MKX: variants seen among roughly 807,000 people sequenced by gnomAD.
The protein encoded by MKX is homeobox protein Mohawk.
In MKX, 13 loss-of-function variants were observed where a neutral mutation model predicts 36.0. The observed-to-expected ratio is 0.36, with a 90% CI of 0.24 to 0.57. The LOEUF is 0.57. Among genes scored for constraint, MKX ranks in the 20% least tolerant of loss-of-function variants. MKX has a pLI of 0.79. For synonymous variants in MKX, 176 were observed against 178.3 expected, an observed-to-expected ratio of 0.99 and a Z score of 0.10; for missense variants, 458 against 456.4, an observed-to-expected ratio of 1.00 and a Z score of -0.03.
chr10:27,730,567 C>T (rs985737903), intron 5 of MKX, among the ~76,000 whole-genome samples: 2 of 151,358 alleles, frequency 1.3e-5, no homozygotes, highest in Admixed American at 1.3e-4. Context: ...AAGCGATTCT[C>T]GTACCTCAGC....
chr10:27,692,615 G>A (rs757601349), intron 5 of MKX, among the ~76,000 whole-genome samples: 4 of 152,134 alleles, frequency 2.6e-5, no homozygotes, highest in Non-Finnish European at 5.9e-5. Flanking sequence ...AAAGGAAGGT[G>A]ACAAATAGTA....
At chr10:27,733,736 C>T (rs968103464) in intron 5 of MKX, among the ~76,000 whole-genome samples, 5 of 152,232 alleles carry the variant, frequency 3.3e-5, no homozygotes, top group Admixed American at 3.3e-4. Flanking sequence ...TAAGAGCAAA[C>T]CTCTCTGGGA....
chr10:27,735,749 T>C (rs1480061344), intron 3 of MKX, among the ~76,000 whole-genome samples: 1 of 152,198 alleles, frequency 6.6e-6, no homozygotes, highest in Non-Finnish European at 1.5e-5. Flanking sequence ...CTTTCATATA[T>C]GACTCCAGCC....
chr10:27,713,377 A>C (rs1031474997), intron 5 of MKX, among the ~76,000 whole-genome samples: 3 of 152,180 alleles, frequency 2.0e-5, no homozygotes, highest in Non-Finnish European at 4.4e-5. Context: ...AAGGCTTTTT[A>C]CCCAATTTTT....
chr10:27,723,746 G>A (rs1287531642), intron 5 of MKX, among the ~76,000 whole-genome samples: 1 of 152,218 alleles, frequency 6.6e-6, no homozygotes, highest in Non-Finnish European at 1.5e-5. Context: ...GTCTACATCA[G>A]TGTAGAAACT....
intron 5 of MKX, among the ~76,000 whole-genome samples, chr10:27,701,661 AAT>A (rs1004901367): frequency 4.1e-5 from 6 of 145,248 alleles, no homozygotes; most frequent in South Asian, 4.2e-4. Flanking sequence ...CTAATATATT[AAT>A]ATGTTATTTT....
intron 5 of MKX, among the ~76,000 whole-genome samples, chr10:27,698,302 T>C (rs1836591939): frequency 6.6e-6 from 1 of 152,150 alleles, no homozygotes; most frequent in South Asian, 2.1e-4. Context: ...TCACTAATAT[T>C]GAAATAATAG....
Position 27,742,876 on chromosome 10 carries a change from C to T in MKX, c.188+352G>A, listed in dbSNP as rs1401141122. On this transcript the variant is annotated intron_variant, in intron 2 of 6. Coordinates refer to ENST00000419761, the MANE Select transcript of MKX (RefSeq NM_173576.3). This position sits in a 1 kb window ranked among gnomAD's most constrained non-coding sequence, Gnocchi z 4.2. ...GCTTCGCCTGTTTCTCTGCACCGAGCTCAGTCCTTTTTCCTCGCCCTCAGC... is the reference window on the plus strand; with the variant it reads ...GCTTCGCCTGTTTCTCTGCACCGAGTTCAGTCCTTTTTCCTCGCCCTCAGC... Among the ~76,000 whole-genome samples, 1 of 152,162 alleles carries T rather than the reference C, an allele frequency of 6.6e-6. No individual in the cohort carries two copies. The highest frequency in any genetic ancestry group is 2.4e-5 in the African/African-American group (1 of 41,452).
At chr10:27,743,745 C>T (rs1391965229) in intron 1 of MKX, among the ~76,000 whole-genome samples, 1 of 152,174 alleles carries the variant, frequency 6.6e-6, no homozygotes, top group South Asian at 2.1e-4. Flanking sequence ...CTTCACTCCC[C>T]AGAACTACAA....
chr10:27,692,884 G>A (rs550590053), intron 5 of MKX, among the ~76,000 whole-genome samples: 8 of 152,266 alleles, frequency 5.3e-5, no homozygotes, highest in Non-Finnish European at 8.8e-5. Context: ...GAGCTACATG[G>A]TCTCTAAAGA....
chr10:27,711,309 C>G (rs1836846039), intron 5 of MKX, among the ~76,000 whole-genome samples: 1 of 152,118 alleles, frequency 6.6e-6, no homozygotes, highest in Non-Finnish European at 1.5e-5. Flanking sequence ...CATTTCTTTC[C>G]TAAAAGCACT....
chr10:27,720,371 C>G (rs908630306), intron 5 of MKX, among the ~76,000 whole-genome samples: 7 of 149,044 alleles, frequency 4.7e-5, no homozygotes, highest in Non-Finnish European at 1.5e-5. Flanking sequence ...AATTTTGATG[C>G]AAAATTATTA....
chr10:27,703,525 A>AT (rs1021016025), intron 5 of MKX, among the ~76,000 whole-genome samples: 12 of 151,870 alleles, frequency 7.9e-5, no homozygotes, highest in South Asian at 4.2e-4. Context: ...TATGGAAAAA[A>AT]AAAATAAAAG....
chr10:27,708,063 A>G (rs1836787739), intron 5 of MKX, among the ~76,000 whole-genome samples: 1 of 152,226 alleles, frequency 6.6e-6, no homozygotes, highest in South Asian at 2.1e-4. Flanking sequence ...GTTCTTCTAC[A>G]TTTTGTTCTT....
Position 27,742,625 on chromosome 10 carries a change from C to T in MKX, c.188+603G>A, listed in dbSNP as rs568350199. ...CCCACCCGCAAGCTACCGCCCCCCC[C>T]AGCATACCCCTCACCCCGCTAAACT... On this transcript the variant is annotated intron_variant, in intron 2 of 6. Transcript: ENST00000419761. This position sits in a 1 kb window ranked among gnomAD's most constrained non-coding sequence, Gnocchi z 4.2. Among the ~76,000 whole-genome samples, 125 of 151,926 alleles carry T rather than the reference C, an allele frequency of 8.2e-4. No homozygotes were observed. The highest frequency in any genetic ancestry group is 3.0e-3 in the African/African-American group (124 of 41,430).
chr10:27,701,895 CACAA>C (rs914890161), intron 5 of MKX, among the ~76,000 whole-genome samples: 1 of 151,100 alleles, frequency 6.6e-6, no homozygotes, highest in African/African-American at 2.4e-5. Context: ...TATATACACA[CACAA>C]ACACACACAC....
Position 27,741,351 on chromosome 10 carries a change from T to C in MKX, c.342A>G (p.Leu114=), listed in dbSNP as rs553387160. 5.4e-5 allele frequency: 87 copies of C among 1,612,874 alleles called. 1 individual carries two copies. In the South Asian group the frequency reaches 7.7e-4, roughly 14 times the overall value. The change falls in exon 3 of 7, where the codon CTA becomes CTG. Residue 114 remains leucine, a synonymous_variant. Transcript: ENST00000419761. The surrounding 1 kb of genome is among the most constrained non-coding windows in gnomAD (Gnocchi z 5.1). ...GTTAATGGGTCCTGATTACCTGCAC[T>C]AGCGTCATCTGCGAGCCGAGGGCCA... ...ILLALGSQMT[L]VQVSNWFANA...
intron 5 of MKX, among the ~76,000 whole-genome samples, chr10:27,732,782 C>T (rs1387432920): frequency 6.6e-6 from 1 of 152,178 alleles, no homozygotes; most frequent in Non-Finnish European, 1.5e-5. Context: ...GGGTCTCCCT[C>T]TGTTCCTCAG....
At chr10:27,701,623 AAAT>A (rs906065676) in intron 5 of MKX, among the ~76,000 whole-genome samples, 18 of 145,234 alleles carry the variant, frequency 1.2e-4, no homozygotes, top group African/African-American at 4.2e-4. Context: ...ATTAATATTA[AAAT>A]AATAATATAT....
Sources: allele counts gnomAD v4.1 joint callset (sites outside exome capture counted in the v4.1 genomes callset), GRCh38; gene constraint gnomAD v4.1.1; non-coding constraint Gnocchi (gnomAD v3.1); transcripts MANE v1.5; gene names NCBI Gene and HGNC (gene_info 2026-07-23, HGNC 2026-07-21).